RTTN: variants seen among roughly 807,000 people sequenced by gnomAD.
RTTN encodes the protein rotatin.
A neutral mutation model predicts 269.2 loss-of-function variants in RTTN; 182 were observed. That is an observed-to-expected ratio of 0.68 (90% CI 0.60 to 0.76). The LOEUF is 0.76. RTTN is among the 30% of genes least tolerant of loss of function. RTTN has a pLI of 0.00. For missense variants in RTTN, 2,545 were observed against 2,608.6 expected (o/e 0.98, Z 0.53); for synonymous variants, 1,006 against 963.5 (o/e 1.04, Z -0.82).
intron 45 of RTTN, 43 bp from the exon 46 acceptor site, chr18:70,017,717 T>A: frequency 6.6e-7 from 1 of 1,525,068 alleles, no homozygotes; most frequent in Non-Finnish European, 8.9e-7. Context: ...CTCATCTTTT[T>A]CATTATTTTC....
intron 28 of RTTN, among the ~76,000 whole-genome samples, chr18:70,107,823 G>T (rs2059361226): frequency 6.6e-6 from 1 of 152,202 alleles, no homozygotes. Context: ...CCTCACTACA[G>T]ATTCAGCAGA....
chr18:70,201,639 T>C (rs561652254), intron 4 of RTTN, among the ~76,000 whole-genome samples: 109 of 133,052 alleles, frequency 8.2e-4, no homozygotes, highest in South Asian at 1.9e-3. Context: ...AAAAAACTCA[T>C]GTTCATTCAG....
At chr18:70,086,775 T>C (rs936303816) in intron 31 of RTTN, 91 bp from the exon 32 acceptor site, 8 of 1,148,598 alleles carry the variant, frequency 7.0e-6, no homozygotes, top group Admixed American at 2.4e-5. Flanking sequence ...AAATAACCAA[T>C]ATATTGTAAT....
chr18:70,060,020 T>G lies in RTTN; in HGVS notation c.4770A>C (p.Pro1590=). 6.2e-7 allele frequency: 1 copy of G among 1,612,484 alleles called. No homozygotes were observed. The highest frequency in any genetic ancestry group is 8.5e-7 in the Non-Finnish European group (1 of 1,179,238). ...VAQGHQESTS[P]RPPHDSSLSA... is the part of the protein sequence containing the mutation. ...AAAGAGATGAATCATGAGGTGGCCG[T>G]GGTGATGTACTTTCCTGGTGACCTA... The change falls in exon 36 of 49, where the codon CCA becomes CCC. Residue 1590 remains proline (P), a synonymous_variant. Coordinates refer to ENST00000640769, the MANE Select transcript of RTTN (RefSeq NM_173630.4).
intron 32 of RTTN, among the ~76,000 whole-genome samples, chr18:70,085,105 T>C (rs1050268399): frequency 1.3e-5 from 2 of 151,868 alleles, no homozygotes; most frequent in African/African-American, 4.8e-5. Flanking sequence ...ACAATGGGAG[T>C]AGAGATTATT....
intron 14 of RTTN, among the ~76,000 whole-genome samples, chr18:70,151,072 A>G (rs1416528389): frequency 1.3e-5 from 2 of 150,848 alleles, no homozygotes; most frequent in African/African-American, 4.8e-5. Context: ...TTACTTACAA[A>G]GGTTGGGAAA....
Position 70,176,793 on chromosome 18 carries a change from T to C in RTTN, c.1358A>G (p.His453Arg), listed in dbSNP as rs751231353. The C allele has an allele frequency of 9.9e-6, 16 of 1,613,998 alleles. No individual in the cohort carries two copies. Among genetic ancestry groups the C allele is most frequent in the African/African-American group, 5.3e-5 (4 of 74,942 alleles). ...LGALGETMCY[H>R]KSSISLEQPE... ...CTGCTCCAAACTGATACTACTTTTA[T>C]GGTAGCACATGGTTTCTCCAAGGGC... is the stretch of plus-strand genomic sequence containing the variant. Residue 453 changes from histidine to arginine, a missense_variant, in exon 11 of 49, where the codon CAT (histidine) becomes CGT (arginine). His to Arg is a conservative substitution (Grantham distance 29, BLOSUM62 0). Coordinates refer to ENST00000640769, the MANE Select transcript of RTTN (RefSeq NM_173630.4).
chr18:70,124,411 A>G (rs1299284420), intron 25 of RTTN, among the ~76,000 whole-genome samples: 2 of 152,100 alleles, frequency 1.3e-5, no homozygotes, highest in Non-Finnish European at 2.9e-5. Context: ...CAACTGTAGA[A>G]GTAATGCAGG....
chr18:70,149,850 G>C (rs952994188), intron 16 of RTTN, 121 bp downstream of exon 16: 3 of 738,642 alleles, frequency 4.1e-6, no homozygotes, highest in African/African-American at 1.8e-5. Flanking sequence ...TATCCCCAGC[G>C]CCTTCACAGC....
intron 37 of RTTN, among the ~76,000 whole-genome samples, chr18:70,055,940 G>A (rs900375756): frequency 6.3e-4 from 96 of 152,160 alleles, no homozygotes; most frequent in African/African-American, 2.0e-3. Context: ...GCAGGCACTC[G>A]CAGCCTGCTC....
chr18:70,120,225 CA>C, intron 26 of RTTN, among the ~76,000 whole-genome samples: 2 of 151,934 alleles, frequency 1.3e-5, no homozygotes, highest in Admixed American at 1.3e-4. Flanking sequence ...CGGGACTCTT[CA>C]GAGAGTCCCC....
At chr18:70,146,815 T>G (rs1453157183) in intron 17 of RTTN, among the ~76,000 whole-genome samples, 1 of 152,230 alleles carries the variant, frequency 6.6e-6, no homozygotes, top group Non-Finnish European at 1.5e-5. Context: ...CAATAAATAC[T>G]TCCTGAATCA....
intron 28 of RTTN, among the ~76,000 whole-genome samples, chr18:70,099,992 T>G (rs1380877068): frequency 2.0e-5 from 3 of 152,250 alleles, no homozygotes; most frequent in Non-Finnish European, 2.9e-5. Context: ...AGCCTTGTAG[T>G]ACAGTTTGAA....
chr18:70,079,054 A>G (rs1364551432), intron 32 of RTTN, among the ~76,000 whole-genome samples: 1 of 152,108 alleles, frequency 6.6e-6, no homozygotes, highest in Non-Finnish European at 1.5e-5. Flanking sequence ...CTTAGGTACT[A>G]AAGTAGTGTA....
Position 70,040,550 on chromosome 18 carries a change from T to C in RTTN, c.5541+7421A>G, listed in dbSNP as rs370549949. On this transcript the variant is annotated intron_variant, in intron 40 of 48. Coordinates refer to ENST00000640769, the MANE Select transcript of RTTN (RefSeq NM_173630.4). ...AGACTTCAACACCCTACTTTCAGCATTGAACAGACAGATCTTCCAGAAAGA... is the reference window on the plus strand; with the variant it reads ...AGACTTCAACACCCTACTTTCAGCACTGAACAGACAGATCTTCCAGAAAGA... Among the ~76,000 whole-genome samples the C allele has an allele frequency of 6.6e-5, 10 of 152,284 alleles. No individual in the cohort carries two copies. In the East Asian group the frequency reaches 7.7e-4, roughly 12 times the overall value.
intron 14 of RTTN, among the ~76,000 whole-genome samples, chr18:70,159,595 T>C (rs1568483176): frequency 6.6e-6 from 1 of 151,998 alleles, no homozygotes; most frequent in Non-Finnish European, 1.5e-5. Context: ...CTGAACTGAA[T>C]GAAACTGAGA....
intron 28 of RTTN, among the ~76,000 whole-genome samples, chr18:70,102,421 T>C (rs1315961044): frequency 6.6e-6 from 1 of 152,194 alleles, no homozygotes; most frequent in Admixed American, 6.5e-5. Flanking sequence ...TTCCATTTGC[T>C]TGGTTGATCT....
At chr18:70,092,613 T>G in intron 29 of RTTN, 63 bp downstream of exon 29, 1 of 1,557,494 alleles carries the variant, frequency 6.4e-7, no homozygotes, top group Non-Finnish European at 8.7e-7. Context: ...TTGAAATGTG[T>G]TGGACACAGC....
chr18:70,137,374 A>G (rs2145693396), intron 21 of RTTN, among the ~76,000 whole-genome samples: 1 of 152,318 alleles, frequency 6.6e-6, no homozygotes, highest in South Asian at 2.1e-4. Context: ...GAATTCTGTC[A>G]TAACATAAAG....
Sources: gnomAD v4.1 joint callset for allele counts (sites outside exome capture counted in the v4.1 genomes callset) on GRCh38, gnomAD v4.1.1 for gene constraint, MANE v1.5 for transcripts, NCBI Gene and HGNC (gene_info 2026-07-23, HGNC 2026-07-21) for gene names.